Variants in LSM8 observed in about 807,000 individuals in gnomAD.
The protein encoded by LSM8 is LSM8 U6 small nuclear RNA associated.
Under a neutral mutation model 15.0 loss-of-function variants are expected in LSM8, and 14 were observed. The ratio of observed to expected loss-of-function variants is 0.93; its 90% confidence interval spans 0.62 to 1.46. LSM8 has a LOEUF of 1.46. LSM8 is among the 40% of genes most tolerant of loss of function. The pLI is 0.00. For missense variants in LSM8, 90 were observed against 115.4 expected (o/e 0.78, Z 1.01); for synonymous variants, 50 against 42.1 (o/e 1.19, Z -0.73).
chr7:118,201,867 T>G lies in LSM8; in HGVS notation c.*9865T>G, dbSNP rs1809178245. Among the ~76,000 whole-genome samples, 1 of 152,128 alleles carries G rather than the reference T, an allele frequency of 6.6e-6. No individual in the cohort carries two copies. Among genetic ancestry groups the G allele is most frequent in the South Asian group, 2.1e-4 (1 of 4,832 alleles). ...TTTAATGCAACTTTATCTTCTGGGTTTCCCTAGTCATAATTAAGGGTTTGG... is the reference window on the plus strand; with the variant it reads ...TTTAATGCAACTTTATCTTCTGGGTGTCCCTAGTCATAATTAAGGGTTTGG... On this transcript the variant is annotated 3_prime_UTR_variant, in exon 4 of 4. Coordinates refer to ENST00000249299, the MANE Select transcript of LSM8 (RefSeq NM_016200.5).
intron 2 of LSM8, among the ~76,000 whole-genome samples, chr7:118,187,236 C>G (rs1195620832): frequency 1.3e-5 from 2 of 152,056 alleles, no homozygotes; most frequent in African/African-American, 4.8e-5. Flanking sequence ...TTTTGACTTT[C>G]AGAAGATAAA....
In LSM8 at chr7:118,195,102, C is replaced by T. The variant is rs533000966; in HGVS notation, c.*3100C>T. 1.3e-5 allele frequency among the ~76,000 whole-genome samples: 2 copies of T among 152,164 alleles called. No individual in the cohort carries two copies. Among genetic ancestry groups the T allele is most frequent in the South Asian group, 4.1e-4 (2 of 4,830 alleles). ...CAGTTCCCAAACCTGCATTGTGGGC[C>T]GTTTTCATTACAATTACCTAAGGTG... On this transcript the variant is annotated 3_prime_UTR_variant, in exon 4 of 4. Coordinates refer to ENST00000249299, the MANE Select transcript of LSM8 (RefSeq NM_016200.5).
chr7:118,199,363 A>G lies in LSM8; in HGVS notation c.*7361A>G, dbSNP rs1809133072. Among the ~76,000 whole-genome samples, 1 of 150,882 alleles carries G rather than the reference A, an allele frequency of 6.6e-6. No homozygotes were observed. Among genetic ancestry groups the G allele is most frequent in the Non-Finnish European group, 1.5e-5 (1 of 67,698 alleles). On this transcript the variant is annotated 3_prime_UTR_variant, in exon 4 of 4. Coordinates refer to ENST00000249299, the MANE Select transcript of LSM8 (RefSeq NM_016200.5). ...GCAAGTTGATTTTAGGGGATTAAAA[A>G]TCTAAGACGTTTAAGGGAACATGAA...
chr7:118,195,086 A>T lies in LSM8; in HGVS notation c.*3084A>T, dbSNP rs1159398358. Among the ~76,000 whole-genome samples, 2 of 152,164 alleles carry T rather than the reference A, an allele frequency of 1.3e-5. No individual in the cohort carries two copies. Among genetic ancestry groups the T allele is most frequent in the African/African-American group, 4.8e-5 (2 of 41,430 alleles). On this transcript the variant is annotated 3_prime_UTR_variant, in exon 4 of 4. Transcript: ENST00000249299. ...TTCAGATGATCTAACGCAGTTCCCA[A>T]ACCTGCATTGTGGGCCGTTTTCATT...
chr7:118,193,731 A>G lies in LSM8; in HGVS notation c.*1729A>G, dbSNP rs1562863115. On this transcript the variant is annotated 3_prime_UTR_variant, in exon 4 of 4. Coordinates refer to ENST00000249299, the MANE Select transcript of LSM8 (RefSeq NM_016200.5). ...ATTGGTAAAGTAATTCCAAAAATTA[A>G]ATAAGAATACACATTGTTCAGTTGC... Among the ~76,000 whole-genome samples, 1 of 152,132 alleles carries G rather than the reference A, an allele frequency of 6.6e-6. No homozygotes were observed. Among genetic ancestry groups the G allele is most frequent in the East Asian group, 1.9e-4 (1 of 5,206 alleles).
At chr7:118,186,350 T>C (rs62466467) in intron 2 of LSM8, among the ~76,000 whole-genome samples, 10,439 of 152,274 alleles carry the variant, frequency 0.069, 386 homozygotes, top group East Asian at 0.11. Context: ...AATTCATACT[T>C]TGAATGCTTT....
At chr7:118,188,140 A>T (rs1398154627) in intron 2 of LSM8, 138 bp from the exon 3 acceptor site, 1 of 935,488 alleles carries the variant, frequency 1.1e-6, no homozygotes, top group African/African-American at 1.7e-5. Flanking sequence ...ACTGTTGGTT[A>T]TAAAAAAGGC....
intron 2 of LSM8, among the ~76,000 whole-genome samples, chr7:118,186,216 T>C (rs1471743433): frequency 6.6e-6 from 1 of 152,172 alleles, no homozygotes; most frequent in African/African-American, 2.4e-5. Context: ...TGAAGTTGTT[T>C]CTCCCTTGCT....
rs1377987557 is a variant in LSM8 at position 118,196,395 on chromosome 7, A to C, written c.*4393A>C. ...AAAATAAATATAATTCAAGTCAATT[A>C]TTTTCCCCATCTATTTTTTTTCTTT... On this transcript the variant is annotated 3_prime_UTR_variant, in exon 4 of 4. Transcript: ENST00000249299. 9.7e-6 allele frequency among the ~76,000 whole-genome samples: 1 copy of C among 102,604 alleles called. No homozygotes were observed. Among genetic ancestry groups the C allele is most frequent in the Admixed American group, 1.1e-4 (1 of 9,186 alleles). The allele number at this position is 102,604 out of a possible 152,430, so 67.3% of individuals were successfully genotyped here. A position where few individuals can be genotyped will look rare whatever the true frequency, so the allele number is the denominator to read the frequency against.
rs1445463433 is a variant in LSM8, at chr7:118,194,150, A to C, written c.*2148A>C. 6.6e-6 allele frequency among the ~76,000 whole-genome samples: 1 copy of C among 152,110 alleles called. No individual in the cohort carries two copies. The highest frequency in any genetic ancestry group is 1.5e-5 in the Non-Finnish European group (1 of 67,970). ...ACAACCATGAGTAGTAACATAATTA[A>C]TATACAGTGTCAATATTTTATATTT... On this transcript the variant is annotated 3_prime_UTR_variant, in exon 4 of 4. Transcript: ENST00000249299.
At position 118,194,897 on chromosome 7, in the gene LSM8, T is replaced by C. The variant is rs917904840; in HGVS notation, c.*2895T>C. 5.9e-5 allele frequency among the ~76,000 whole-genome samples: 9 copies of C among 152,066 alleles called. No individual in the cohort carries two copies. The highest frequency in any genetic ancestry group is 1.2e-4 in the Non-Finnish European group (8 of 67,996). On this transcript the variant is annotated 3_prime_UTR_variant, in exon 4 of 4. Transcript: ENST00000249299. ...AATGATCATTTTATATATGGGAAAATTGAGGCTCAGCAGGGTCAAGTGACT... is the reference window on the plus strand; with the variant it reads ...AATGATCATTTTATATATGGGAAAACTGAGGCTCAGCAGGGTCAAGTGACT...
rs1809066425 is a variant in LSM8, at chr7:118,195,692, T to C, written c.*3690T>C. ...TCTCCATTCTGTACTTGTATAGTCATTACCTCATATAGATTTAATTTTATT... is the reference window on the plus strand; with the variant it reads ...TCTCCATTCTGTACTTGTATAGTCACTACCTCATATAGATTTAATTTTATT... On this transcript the variant is annotated 3_prime_UTR_variant, in exon 4 of 4. Transcript: ENST00000249299. Among the ~76,000 whole-genome samples the C allele has an allele frequency of 6.6e-6, 1 of 152,216 alleles. No individual in the cohort carries two copies. The highest frequency in any genetic ancestry group is 1.5e-5 in the Non-Finnish European group (1 of 68,032).
chr7:118,187,045 CA>C (rs1808900418), intron 2 of LSM8, among the ~76,000 whole-genome samples: 1 of 152,090 alleles, frequency 6.6e-6, no homozygotes, highest in African/African-American at 2.4e-5. Flanking sequence ...TTCTTTGACA[CA>C]TAATTTATTT....
At chr7:118,188,137 G>A in intron 2 of LSM8, 141 bp from the exon 3 acceptor site, 2 of 897,252 alleles carry the variant, frequency 2.2e-6, no homozygotes, top group African/African-American at 1.7e-5. Flanking sequence ...AATACTGTTG[G>A]TTATAAAAAA....
chr7:118,196,056 A>G lies in LSM8; in HGVS notation c.*4054A>G, dbSNP rs1324080568. Reference sequence around the variant, plus strand: ...AGACGTGCTTAGTCTTCATAAATCGATGCTGCCTCCTAGTGGCCATTGCTT... The same window carrying G: ...AGACGTGCTTAGTCTTCATAAATCGGTGCTGCCTCCTAGTGGCCATTGCTT... On this transcript the variant is annotated 3_prime_UTR_variant, in exon 4 of 4. Transcript: ENST00000249299. 6.6e-6 allele frequency among the ~76,000 whole-genome samples: 1 copy of G among 152,148 alleles called. No individual in the cohort carries two copies. Among genetic ancestry groups the G allele is most frequent in the Non-Finnish European group, 1.5e-5 (1 of 68,028 alleles).
rs200053888 is a variant in LSM8 at position 118,196,700 on chromosome 7, TTTTATTTATTTATTTATTTATTTA to T, written c.*4722_*4745del. Among the ~76,000 whole-genome samples the T allele has an allele frequency of 4.6e-5, 6 of 129,806 alleles. No homozygotes were observed. The highest frequency in any genetic ancestry group is 2.2e-4 in the East Asian group (1 of 4,462). The allele number at this position is 129,806 out of a possible 152,430, so 85.2% of individuals were successfully genotyped here. A position where few individuals can be genotyped will look rare whatever the true frequency, so the allele number is the denominator to read the frequency against. On this transcript the variant is annotated 3_prime_UTR_variant, in exon 4 of 4. Coordinates refer to ENST00000249299, the MANE Select transcript of LSM8 (RefSeq NM_016200.5). Reference sequence around the variant, plus strand: ...TTTCTTTTTTTTTAAGTCCTTTAATTTTTATTTATTTATTTATTTATTTATTTATTTATTTATTTATTTATTTTT... The same window carrying T: ...TTTCTTTTTTTTTAAGTCCTTTAATTTTTATTTATTTATTTATTTATTTTT...
Position 118,197,857 on chromosome 7 carries a change from A to G in LSM8, c.*5855A>G, listed in dbSNP as rs1161373357. ...CCATGTCTTAGTTGCTATGAAAATG[A>G]GTACCTGCTTCCTTGTACTGTCAAG... On this transcript the variant is annotated 3_prime_UTR_variant, in exon 4 of 4. Transcript: ENST00000249299. Among the ~76,000 whole-genome samples the G allele has an allele frequency of 6.6e-6, 1 of 152,218 alleles. No individual in the cohort carries two copies. Among genetic ancestry groups the G allele is most frequent in the Admixed American group, 6.5e-5 (1 of 15,276 alleles).
At chr7:118,184,347 G>T (rs534567243) in intron 1 of LSM8, 93 bp downstream of exon 1, 1 of 1,341,338 alleles carries the variant, frequency 7.5e-7, no homozygotes, top group Admixed American at 3.5e-5. Context: ...TGGCCTCGGC[G>T]GGATCCTGGG....
In LSM8 at chr7:118,184,220, C is replaced by T; in HGVS notation, c.-4C>T. 1.3e-6 allele frequency: 2 copies of T among 1,542,384 alleles called. No individual in the cohort carries two copies. Among genetic ancestry groups the T allele is most frequent in the Non-Finnish European group, 1.8e-6 (2 of 1,142,620 alleles). On this transcript the variant is annotated 5_prime_UTR_variant, in exon 1 of 4. Transcript: ENST00000249299. ...CGTTACCCGGAACCGCCGGGCCGAA[C>T]AGCATGACGTCCGCTTTGGAGAACT...
Sources: allele counts gnomAD v4.1 joint callset (sites outside exome capture counted in the v4.1 genomes callset), GRCh38; gene constraint gnomAD v4.1.1; transcripts MANE v1.5; gene names NCBI Gene and HGNC (gene_info 2026-07-23, HGNC 2026-07-21).